Variants in MVB12A observed in about 807,000 individuals in gnomAD.
MVB12A encodes the protein multivesicular body subunit 12A.
MVB12A carries 30 observed loss-of-function variants against 34.3 expected under a neutral mutation model. That is an observed-to-expected ratio of 0.88 (90% CI 0.65 to 1.19). The LOEUF is 1.19. MVB12A is among the 50% of genes most tolerant of loss of function. The pLI is 0.00. For synonymous variants in MVB12A, 158 were observed against 158.9 expected (o/e 0.99, Z 0.04); for missense variants, 355 against 369.2 (o/e 0.96, Z 0.31).
At chr19:17,416,149 C>G (rs1299538280), upstream of MVB12A, among the ~76,000 whole-genome samples, 1 of 150,898 alleles carries the variant, frequency 6.6e-6, no homozygotes, top group Non-Finnish European at 1.5e-5. Context: ...GTGGTGTGAT[C>G]TGGGCTCACT....
upstream of MVB12A, chr19:17,417,015 G>GTCC: frequency 2.8e-6 from 1 of 351,892 alleles, no homozygotes; most frequent in Non-Finnish European, 5.7e-6. Flanking sequence ...CTCATCCATT[G>GTCC]TCCTCCTCCT....
At chr19:17,419,783 G>A (rs1345971031), upstream of MVB12A, 3 of 174,200 alleles carry the variant, frequency 1.7e-5, no homozygotes, top group Non-Finnish European at 2.4e-5. Flanking sequence ...GCTGAGGCCG[G>A]AAGGAATTCT....
upstream of MVB12A, chr19:17,415,239 A>G (rs2074791725): frequency 6.6e-6 from 1 of 152,118 alleles, no homozygotes; most frequent in African/African-American, 2.4e-5. Flanking sequence ...TTAGCTGGGA[A>G]AGCCTGACGA....
chr19:17,420,082 TCC>T lies in MVB12A; in HGVS notation c.-53_-52del. ...CGCGAGCGCTGCCGTCGGGAGGCGC[TCC>T]GAGGTTCGAGGCTGTGCCCCGCGAC... On this transcript the variant is annotated 5_prime_UTR_variant, in exon 1 of 9. Transcript: ENST00000317040. The T allele has an allele frequency of 8.7e-7, 1 of 1,151,520 alleles. No homozygotes were observed. The allele number at this position is 1,151,520 out of a possible 1,614,324, so 71.3% of individuals were successfully genotyped here.
At position 17,424,960 on chromosome 19, in the gene MVB12A, C is replaced by A. The variant is rs774971710; in HGVS notation, c.789C>A (p.Thr263=). The change falls in exon 9 of 9, where the codon ACC becomes ACA. Residue 263 remains threonine, a synonymous_variant. Transcript: ENST00000317040. The stretch of plus-strand genomic sequence containing the variant: ...ACTACGGCTTCGTGGTGGAGAAGAC[C>A]GCGGCTGCCCGCCTGCCCCCCAGCG... The part of the protein sequence containing the change: ...EYNYGFVVEK[T]AAARLPPSVS 6.2e-7 allele frequency: 1 copy of A among 1,610,682 alleles called. No individual in the cohort carries two copies.
chr19:17,419,723 C>T (rs1032276939), upstream of MVB12A: 2 of 154,754 alleles, frequency 1.3e-5, no homozygotes, highest in African/African-American at 4.8e-5. Context: ...CGCGCGGCCA[C>T]AAAGCTCCCA....
chr19:17,424,051 A>C lies in MVB12A; in HGVS notation c.686A>C (p.Lys229Thr). 6.2e-7 allele frequency: 1 copy of C among 1,614,120 alleles called. No individual in the cohort carries two copies. The highest frequency in any genetic ancestry group is 8.5e-7 in the Non-Finnish European group (1 of 1,180,018). The change falls in exon 7 of 9, where the codon AAG becomes ACG. Residue 229 changes from lysine to threonine, a missense_variant. Transcript: ENST00000317040. ...ACACTCCACCCACGATTTGAGGGCAAGAGCTGCAGCCCCCTGGTGAGTCGG... is the reference window on the plus strand; with the variant it reads ...ACACTCCACCCACGATTTGAGGGCACGAGCTGCAGCCCCCTGGTGAGTCGG... ...PFTLHPRFEG[K>T]SCSPLAFSAF...
At position 17,420,061 on chromosome 19, in the gene MVB12A, A is replaced by T; in HGVS notation, c.-75A>T. On this transcript the variant is annotated 5_prime_UTR_variant, in exon 1 of 9. Transcript: ENST00000317040. Reference sequence around the variant, plus strand: ...TTCTGGGAGTTGTAGTTCGGTCGCGAGCGCTGCCGTCGGGAGGCGCTCCGA... The same window carrying T: ...TTCTGGGAGTTGTAGTTCGGTCGCGTGCGCTGCCGTCGGGAGGCGCTCCGA... 1.5e-6 allele frequency: 1 copy of T among 656,168 alleles called. No homozygotes were observed. The allele number at this position is 656,168 out of a possible 1,614,324, so 40.6% of individuals were successfully genotyped here. A position where few individuals can be genotyped will look rare whatever the true frequency, so the allele number is the denominator to read the frequency against.
At chr19:17,420,481 C>T in intron 2 of MVB12A, 57 bp from the exon 3 acceptor site, 2 of 1,585,542 alleles carry the variant, frequency 1.3e-6, no homozygotes, top group Non-Finnish European at 1.7e-6. Flanking sequence ...GTGCCCTATG[C>T]CAGGTGCGCT....
intron 2 of MVB12A, among the ~76,000 whole-genome samples, chr19:17,410,487 G>GT (rs1414133708): frequency 1.7e-5 from 1 of 57,828 alleles, no homozygotes; most frequent in Non-Finnish European, 3.2e-5. Flanking sequence ...CATTCTTTTG[G>GT]TTTTAGCTTC....
Position 17,424,016 on chromosome 19 carries a change from G to C in MVB12A, c.651G>C (p.Gly217=), listed in dbSNP as rs559536608. The change falls in exon 7 of 9, where the codon GGG becomes GGC. Residue 217 remains glycine (G), a synonymous_variant. Transcript: ENST00000317040. ...GCACGTGTTTTTCAGCCATGGATGG[G>C]GTTCCCTTCACACTCCACCCACGAT... is the stretch of plus-strand genomic sequence containing the variant. ...SSLYGISAMD[G]VPFTLHPRFE... The C allele has an allele frequency of 6.2e-7, 1 of 1,614,114 alleles. No homozygotes were observed. The highest frequency in any genetic ancestry group is 1.7e-5 in the Admixed American group (1 of 59,996).
chr19:17,413,937 T>G (rs548977879), intron 2 of MVB12A, among the ~76,000 whole-genome samples: 3 of 152,314 alleles, frequency 2.0e-5, no homozygotes, highest in African/African-American at 7.2e-5. Flanking sequence ...GTGGGGTTAC[T>G]GGGTCCAAGG....
chr19:17,421,304 C>A (rs2074837341), intron 3 of MVB12A: 3 of 335,024 alleles, frequency 9.0e-6, no homozygotes, highest in East Asian at 8.8e-5. Flanking sequence ...CCTGCCTCAT[C>A]CTCCAGAGTA....
intron 2 of MVB12A, among the ~76,000 whole-genome samples, chr19:17,406,871 G>A (rs898547030): frequency 6.6e-6 from 1 of 152,200 alleles, no homozygotes; most frequent in African/African-American, 2.4e-5. Flanking sequence ...TGTGGGAGAT[G>A]ATCTTGCTGA....
rs146357246 is a variant in MVB12A, at chr19:17,422,355, C to A, written c.310C>A (p.Arg104Ser). The change falls in exon 4 of 9, where the codon CGC becomes AGC. Residue 104 changes from arginine to serine, a missense_variant. Transcript: ENST00000317040. ...AGAGGCCTCTGTGTCCAAGAAGAAA[C>A]GCATGTGTGTGAAGCTGTTGCCCCT... is the stretch of plus-strand genomic sequence containing the variant. ...DSKASVSKKK[R>S]MCVKLLPLGA... The A allele has an allele frequency of 5.6e-6, 9 of 1,612,890 alleles. 1 individual carries two copies. The highest frequency in any genetic ancestry group is 3.3e-5 in the South Asian group (3 of 90,954).
At chr19:17,424,818 G>A (rs1245674391) in intron 8 of MVB12A, 113 bp from the exon 9 acceptor site, 14 of 1,291,764 alleles carry the variant, frequency 1.1e-5, no homozygotes, top group African/African-American at 2.9e-5. Flanking sequence ...ATCTCTCCAG[G>A]GCAGAAGACC....
chr19:17,423,657 G>C, intron 5 of MVB12A, 36 bp from the exon 6 acceptor site: 1 of 1,613,326 alleles, frequency 6.2e-7, no homozygotes, highest in Non-Finnish European at 8.5e-7. Context: ...GCCGTTGTGG[G>C]AGGATGAGGC....
chr19:17,425,033 TC>T lies in MVB12A; in HGVS notation c.*44del. On this transcript the variant is annotated 3_prime_UTR_variant, in exon 9 of 9. Coordinates refer to ENST00000317040, the MANE Select transcript of MVB12A (RefSeq NM_138401.4). Reference sequence around the variant, plus strand: ...GCGGAAAGAGCCCCCTTACTCCACCTCCCCGCCAGCCTGGGGCCACCCCCCC... The same window carrying T: ...GCGGAAAGAGCCCCCTTACTCCACCTCCCGCCAGCCTGGGGCCACCCCCCC... 1 of 1,247,494 alleles carries T rather than the reference TC, an allele frequency of 8.0e-7. No individual in the cohort carries two copies. The allele number at this position is 1,247,494 out of a possible 1,614,324, so 77.3% of individuals were successfully genotyped here.
intron 7 of MVB12A, 60 bp from the exon 8 acceptor site, chr19:17,424,561 G>A (rs952172623): frequency 3.7e-5 from 58 of 1,573,410 alleles, no homozygotes; most frequent in Non-Finnish European, 4.4e-5. Context: ...CCTTGAAGAC[G>A]AAGGAAAGGG....
Sources: allele counts gnomAD v4.1 joint callset (sites outside exome capture counted in the v4.1 genomes callset), GRCh38; gene constraint gnomAD v4.1.1; transcripts MANE v1.5; gene names NCBI Gene and HGNC (gene_info 2026-07-23, HGNC 2026-07-21).